The following FOSB variants were observed in gnomAD, a reference collection of about 807,000 sequenced individuals.
FOSB encodes protein FosB.
Under a neutral mutation model 31.1 loss-of-function variants are expected in FOSB, and 8 were observed. The ratio of observed to expected loss-of-function variants is 0.26; its 90% CI spans 0.15 to 0.46. The LOEUF is 0.46. Ranked by LOEUF, FOSB falls within the 20% of genes least tolerant of loss-of-function variation. The pLI, the probability that FOSB is intolerant of heterozygous loss-of-function variation, is 0.99. For synonymous variants in FOSB, 214 were observed against 206.1 expected (o/e 1.04, Z -0.33); for missense variants, 376 against 460.6 (o/e 0.82, Z 1.68).
rs1013812304 is a variant in FOSB at position 45,474,314 on chromosome 19, G to C, written c.*1302G>C. 1 of 152,416 alleles carries C rather than the reference G, an allele frequency of 6.6e-6. No individual in the cohort carries two copies. Among genetic ancestry groups the C allele is most frequent in the Non-Finnish European group, 1.5e-5 (1 of 68,022 alleles). The allele number at this position is 152,416 out of a possible 1,614,324, so 9.4% of individuals were successfully genotyped here. ...TTGGACTGGCAGACTCAAGGGGCTG[G>C]AATCTCATGATTCCATGCCCGAGTC... On this transcript the variant is annotated 3_prime_UTR_variant, in exon 4 of 4. Transcript: ENST00000353609.
rs1427070254 is a variant in FOSB at position 45,468,672 on chromosome 19, T to TGGA, written c.87_89dup (p.Val29_Asp30insGlu). On this transcript the variant is annotated inframe_insertion, in exon 1 of 4. Transcript: ENST00000353609. This position sits in a 1 kb window ranked among gnomAD's most constrained non-coding sequence, Gnocchi z 4.8. ...GCCGAGTCTCAATATCTGTCTTCGG[T>TGGA]GGACTCCTTCGGCAGTCCACCCACC... The TGGA allele has an allele frequency of 6.2e-7, 1 of 1,613,470 alleles. No homozygotes were observed. Among genetic ancestry groups the TGGA allele is most frequent in the South Asian group, 1.1e-5 (1 of 91,034 alleles).
Position 45,472,836 on chromosome 19 carries a change from T to G in FOSB, c.841T>G (p.Phe281Val), listed in dbSNP as rs1271760022. The G allele has an allele frequency of 6.2e-7, 1 of 1,614,048 alleles. No homozygotes were observed. Among genetic ancestry groups the G allele is most frequent in the Non-Finnish European group, 8.5e-7 (1 of 1,180,032 alleles). ...ACCCCCCAACCTGACGGCTTCTCTC[T>G]TTACACACAGTGAAGTTCAAGTCCT... Reference protein sequence around the residue: ...DAPPNLTASLFTHSEVQVLGD... With the variant: ...DAPPNLTASLVTHSEVQVLGD... The change falls in exon 4 of 4, where the codon TTT (phenylalanine) becomes GTT (valine). Residue 281 changes from phenylalanine (F) to valine (V), a missense_variant. Transcript: ENST00000353609. This position sits in a 1 kb window ranked among gnomAD's most constrained non-coding sequence, Gnocchi z 5.4.
At position 45,470,900 on chromosome 19, in the gene FOSB, G is replaced by GGCCTGC. The variant is rs1967630797; in HGVS notation, c.399_404dup (p.Pro134_Ala135dup). ...ACCAGCGGAACTACCAGTGGGCCTG[G>GGCCTGC]GCCTGCCCGCCCAGCCCGAGCCCGG... is the stretch of plus-strand genomic sequence containing the variant. On this transcript the variant is annotated inframe_insertion, in exon 2 of 4. Coordinates refer to ENST00000353609, the MANE Select transcript of FOSB (RefSeq NM_006732.3). The GGCCTGC allele has an allele frequency of 6.2e-7, 1 of 1,613,790 alleles. No homozygotes were observed. Among genetic ancestry groups the GGCCTGC allele is most frequent in the East Asian group, 2.2e-5 (1 of 44,882 alleles).
At position 45,470,908 on chromosome 19, in the gene FOSB, C is replaced by A; in HGVS notation, c.406C>A (p.Arg136Ser). The A allele has an allele frequency of 6.2e-7, 1 of 1,613,474 alleles. No homozygotes were observed. The highest frequency in any genetic ancestry group is 8.5e-7 in the Non-Finnish European group (1 of 1,180,006). Reference sequence around the variant, plus strand: ...AACTACCAGTGGGCCTGGGCCTGCCCGCCCAGCCCGAGCCCGGCCTAGGAG... The same window carrying A: ...AACTACCAGTGGGCCTGGGCCTGCCAGCCCAGCCCGAGCCCGGCCTAGGAG... ...SGTTSGPGPA[R>S]PARARPRRPR... Residue 136 changes from arginine (R) to serine (S), a missense_variant, in exon 2 of 4, where the codon CGC becomes AGC. Coordinates refer to ENST00000353609, the MANE Select transcript of FOSB (RefSeq NM_006732.3).
Position 45,473,004 on chromosome 19 carries a change from G to A in FOSB, c.1009G>A (p.Ala337Thr), listed in dbSNP as rs780157288. The change falls in exon 4 of 4, where the codon GCT becomes ACT. Residue 337 changes from alanine to threonine, a missense_variant. Transcript: ENST00000353609. ...TCCCCTGAACTCGCCCTCCCTCCTC[G>A]CTCTGTGAACTCTTTAGACACACAA... Reference protein sequence around the residue: ...SDPLNSPSLLAL With the variant: ...SDPLNSPSLLTL 1.3e-5 allele frequency: 21 copies of A among 1,607,660 alleles called. No individual in the cohort carries two copies. Among genetic ancestry groups the A allele is most frequent in the Non-Finnish European group, 1.7e-5 (20 of 1,179,586 alleles).
rs1459699056 is a variant in FOSB, at chr19:45,473,332, GA to G, written c.*321del. ...AACCCAAGCTCTGGGGATGGGTGGG[GA>G]GGGGGGCGGGTGACGCCCACCTTCG... On this transcript the variant is annotated 3_prime_UTR_variant, in exon 4 of 4. Transcript: ENST00000353609. 18 of 290,210 alleles carry G rather than the reference GA, an allele frequency of 6.2e-5. No homozygotes were observed. Among genetic ancestry groups the G allele is most frequent in the Admixed American group, 9.9e-5 (2 of 20,142 alleles). 18.0% of individuals were successfully genotyped at this position (290,210 alleles called of 1,614,324 possible). A position where few individuals can be genotyped will look rare whatever the true frequency, so the allele number is the denominator to read the frequency against.
chr19:45,472,496 C>T lies in FOSB; in HGVS notation c.556-55C>T. The T allele has an allele frequency of 7.2e-7, 1 of 1,391,842 alleles. No homozygotes were observed. The highest frequency in any genetic ancestry group is 9.5e-7 in the Non-Finnish European group (1 of 1,047,498). The allele number at this position is 1,391,842 out of a possible 1,614,324, so 86.2% of individuals were successfully genotyped here. On this transcript the variant is annotated intron_variant, in intron 3 of 3. Coordinates refer to ENST00000353609, the MANE Select transcript of FOSB (RefSeq NM_006732.3). This position sits in a 1 kb window ranked among gnomAD's most constrained non-coding sequence, Gnocchi z 5.4. The stretch of plus-strand genomic sequence containing the variant: ...ATGACCCGAGTTTCCCGGTCACTGA[C>T]ATGCTTTTTTCTCCTTCCTCTCTCT...
intron 2 of FOSB, 86 bp from the exon 3 acceptor site, chr19:45,471,108 T>C: frequency 7.1e-7 from 1 of 1,402,774 alleles, no homozygotes; most frequent in Non-Finnish European, 9.9e-7. Flanking sequence ...TTTTGGCTCT[T>C]GGGGGTTCTG....
rs1203869582 is a variant in FOSB, at chr19:45,473,106, C to A, written c.*94C>A. 7 of 1,245,902 alleles carry A rather than the reference C, an allele frequency of 5.6e-6. No homozygotes were observed. The Admixed American group carries it at 9.7e-5, about 17-fold the overall frequency. The allele number at this position is 1,245,902 out of a possible 1,614,324, so 77.2% of individuals were successfully genotyped here. On this transcript the variant is annotated 3_prime_UTR_variant, in exon 4 of 4. Coordinates refer to ENST00000353609, the MANE Select transcript of FOSB (RefSeq NM_006732.3). Reference sequence around the variant, plus strand: ...GAAGGAGGAGAGAGAGGGGAAGAGACAAAGTGGGTGTGTGGCCTCCCTGGC... The same window carrying A: ...GAAGGAGGAGAGAGAGGGGAAGAGAAAAAGTGGGTGTGTGGCCTCCCTGGC...
In FOSB at chr19:45,474,089, T is replaced by C. The variant is rs1967774815; in HGVS notation, c.*1077T>C. 2 of 152,442 alleles carry C rather than the reference T, an allele frequency of 1.3e-5. No homozygotes were observed. 9.4% of individuals were successfully genotyped at this position (152,442 alleles called of 1,614,324 possible). ...AGGGGGTGACAGTCCTCCATCCACG[T>C]GGCCTCTCTCTCTCTCCTCAGGACC... On this transcript the variant is annotated 3_prime_UTR_variant, in exon 4 of 4. Coordinates refer to ENST00000353609, the MANE Select transcript of FOSB (RefSeq NM_006732.3).
At chr19:45,471,420 A>G (rs1162569119) in intron 3 of FOSB, 119 bp downstream of exon 3, 4 of 737,990 alleles carry the variant, frequency 5.4e-6, no homozygotes, top group Non-Finnish European at 9.1e-6. Flanking sequence ...CACACATGGA[A>G]CTAGGTACTG....
intron 3 of FOSB, chr19:45,471,504 C>A: frequency 2.3e-6 from 1 of 438,002 alleles, no homozygotes; most frequent in Non-Finnish European, 4.2e-6. Context: ...GGTCCCCCCC[C>A]CATTTCCTGA....
rs1022043004 is a variant in FOSB at position 45,468,488 on chromosome 19, G to A, written c.-99G>A. Reference sequence around the variant, plus strand: ...GCTCAGCTCACCGGGGACTCCCACGGCTCACCCCGGACTTGCACCTTACTT... The same window carrying A: ...GCTCAGCTCACCGGGGACTCCCACGACTCACCCCGGACTTGCACCTTACTT... On this transcript the variant is annotated 5_prime_UTR_variant, in exon 1 of 4. Coordinates refer to ENST00000353609, the MANE Select transcript of FOSB (RefSeq NM_006732.3). This position sits in a 1 kb window ranked among gnomAD's most constrained non-coding sequence, Gnocchi z 4.8. 3.7e-6 allele frequency: 5 copies of A among 1,352,282 alleles called. 1 individual carries two copies. The highest frequency in any genetic ancestry group is 2.7e-4 in the Middle Eastern group (1 of 3,662). 83.8% of individuals were successfully genotyped at this position (1,352,282 alleles called of 1,614,324 possible).
In FOSB at chr19:45,471,178, T is replaced by A; in HGVS notation, c.448-16T>A. On this transcript the variant is annotated splice_polypyrimidine_tract_variant and intron_variant, in intron 2 of 3. Coordinates refer to ENST00000353609, the MANE Select transcript of FOSB (RefSeq NM_006732.3). ...CTGTATCCCCAAATCTCATGGCCTC[T>A]ATCTCCCTGACTCAGCTCACCCCAG... 6.4e-7 allele frequency: 1 copy of A among 1,551,822 alleles called. No homozygotes were observed.
Position 45,472,516 on chromosome 19 carries a change from C to T in FOSB, c.556-35C>T. On this transcript the variant is annotated intron_variant, in intron 3 of 3. Coordinates refer to ENST00000353609, the MANE Select transcript of FOSB (RefSeq NM_006732.3). This position sits in a 1 kb window ranked among gnomAD's most constrained non-coding sequence, Gnocchi z 5.4. ...ACTGACATGCTTTTTTCTCCTTCCTCTCTCTCTTCTGTGACCTGGCCTCCC... is the reference window on the plus strand; with the variant it reads ...ACTGACATGCTTTTTTCTCCTTCCTTTCTCTCTTCTGTGACCTGGCCTCCC... The T allele has an allele frequency of 1.4e-6, 2 of 1,459,856 alleles. No homozygotes were observed. The allele number at this position is 1,459,856 out of a possible 1,614,324, so 90.4% of individuals were successfully genotyped here.
chr19:45,469,940 T>G (rs557513574), intron 1 of FOSB: 5 of 152,282 alleles, frequency 3.3e-5, no homozygotes, highest in Admixed American at 3.3e-4. Context: ...AGATGAGCGC[T>G]GCTGAGGCTT....
rs1260425505 is a variant in FOSB at position 45,470,804 on chromosome 19, G to A, written c.302G>A (p.Gly101Glu). Residue 101 changes from glycine to glutamate, a missense_variant, in exon 2 of 4, where the codon GGA becomes GAA. Around this residue, in one of 3 missense-constraint regions of FOSB, gnomAD observed 193 missense variants for 207.1 expected, o/e 0.93. Transcript: ENST00000353609. Reference protein sequence around the residue: ...PPVVDPYDMPGTSYSTPGMSG... With the variant: ...PPVVDPYDMPETSYSTPGMSG... ...GTCGTCGACCCCTACGACATGCCGG[G>A]AACCAGCTACTCCACACCAGGCATG... is the stretch of plus-strand genomic sequence containing the variant. 2.5e-6 allele frequency: 4 copies of A among 1,613,958 alleles called. No homozygotes were observed. The highest frequency in any genetic ancestry group is 3.3e-5 in the Admixed American group (2 of 59,994).
At chr19:45,471,422 T>TAGGTAC in intron 3 of FOSB, 121 bp downstream of exon 3, 1 of 728,756 alleles carries the variant, frequency 1.4e-6, no homozygotes, top group Non-Finnish European at 2.3e-6. Context: ...CACATGGAAC[T>TAGGTAC]AGGTACTGCT....
chr19:45,471,404 A>T, intron 3 of FOSB, 103 bp downstream of exon 3: 1 of 857,058 alleles, frequency 1.2e-6, no homozygotes, highest in South Asian at 1.6e-5. Flanking sequence ...TGAGAACTAG[A>T]CGTTCCACAC....
Sources: allele counts gnomAD v4.1 joint callset, GRCh38; gene constraint gnomAD v4.1.1; regional missense constraint gnomAD v4.1.1; non-coding constraint Gnocchi (gnomAD v3.1); transcripts MANE v1.5; gene names NCBI Gene and HGNC (gene_info 2026-07-23, HGNC 2026-07-21).